Variants in CELF1 observed in about 807,000 individuals in gnomAD.
CELF1 encodes 50 kDa nuclear polyadenylated RNA-binding protein.
A neutral mutation model predicts 61.8 loss-of-function variants in CELF1; 10 were observed. The observed-to-expected ratio is 0.16, with a 90% CI of 0.10 to 0.27. The LOEUF (loss-of-function observed/expected upper bound fraction) is 0.27. CELF1 is among the 10% of genes least tolerant of loss of function. The probability of loss-of-function intolerance (pLI) is 1.00; values close to 1 mark genes in which losing one functional copy is unlikely to be tolerated. For missense variants in CELF1, 380 were observed against 639.1 expected (o/e 0.59, Z 4.37); for synonymous variants, 236 against 225.1 (o/e 1.05, Z -0.43).
intron 3 of CELF1, among the ~76,000 whole-genome samples, chr11:47,490,865 CTT>C (rs753432504): frequency 9.2e-5 from 13 of 141,252 alleles, no homozygotes; most frequent in African/African-American, 7.7e-5. Flanking sequence ...TATTTTCTTT[CTT>C]TTTTTTTTTT....
intron 1 of CELF1, among the ~76,000 whole-genome samples, chr11:47,522,352 C>T (rs1395513674): frequency 6.7e-6 from 1 of 148,308 alleles, no homozygotes; most frequent in Admixed American, 6.8e-5. Context: ...ATGGTGAAAC[C>T]CCATCTCTAC....
intron 1 of CELF1, among the ~76,000 whole-genome samples, chr11:47,550,335 G>C (rs1465545119): frequency 1.3e-5 from 2 of 151,938 alleles, no homozygotes; most frequent in East Asian, 3.9e-4. Flanking sequence ...GTTCTAGATC[G>C]GCCTGGCCAA....
In CELF1 at chr11:47,504,881, G is replaced by A. The variant is rs1414621775; in HGVS notation, c.-153-3949C>T. On this transcript the variant is annotated intron_variant, in intron 1 of 14. Transcript: ENST00000687097. ...CATGCCATTGCACTCCAGCCTGGGC[G>A]ATAGAGTGAGACTCTGTCACCAAAA... 4.4e-5 allele frequency among the ~76,000 whole-genome samples: 6 copies of A among 135,338 alleles called. No homozygotes were observed. In the East Asian group the frequency reaches 6.3e-4, roughly 14 times the overall value. 88.8% of individuals were successfully genotyped at this position (135,338 alleles called of 152,430 possible).
chr11:47,490,393 C>A (rs1398834877), intron 3 of CELF1, among the ~76,000 whole-genome samples: 1 of 151,174 alleles, frequency 6.6e-6, no homozygotes. Flanking sequence ...AAAATTGCCA[C>A]GTTCTAATAT....
At chr11:47,533,212 C>A (rs529633199) in intron 1 of CELF1, among the ~76,000 whole-genome samples, 8 of 152,088 alleles carry the variant, frequency 5.3e-5, no homozygotes, top group African/African-American at 1.9e-4. Flanking sequence ...TTAGACCAAG[C>A]GCAGTGACTC....
intron 3 of CELF1, among the ~76,000 whole-genome samples, chr11:47,492,856 T>C (rs2092114153): frequency 6.6e-6 from 1 of 152,204 alleles, no homozygotes; most frequent in South Asian, 2.1e-4. Flanking sequence ...TCTATTTCTA[T>C]TCTAGAGTGG....
chr11:47,503,858 T>C (rs1402935176), intron 1 of CELF1, among the ~76,000 whole-genome samples: 1 of 152,232 alleles, frequency 6.6e-6, no homozygotes, highest in African/African-American at 2.4e-5. Flanking sequence ...TTTCTGTTAT[T>C]GTTACAAAAT....
chr11:47,488,794 G>A, intron 4 of CELF1, 43 bp downstream of exon 4: 1 of 1,378,086 alleles, frequency 7.3e-7, no homozygotes, highest in Non-Finnish European at 9.5e-7. Flanking sequence ...TGCTCTGAGA[G>A]TCAGTGGAAA....
intron 4 of CELF1, among the ~76,000 whole-genome samples, chr11:47,487,576 A>G (rs2088258025): frequency 6.6e-6 from 1 of 152,226 alleles, no homozygotes; most frequent in South Asian, 2.1e-4. Flanking sequence ...CAGGTGGTAT[A>G]TGAGACAAGA....
intron 10 of CELF1, among the ~76,000 whole-genome samples, chr11:47,478,375 CCATTT>C (rs1375511178): frequency 6.6e-6 from 1 of 152,184 alleles, no homozygotes; most frequent in Non-Finnish European, 1.5e-5. Flanking sequence ...TTGTGGCACT[CCATTT>C]AAGTTTTCTG....
chr11:47,468,574 A>G lies in CELF1; in HGVS notation c.*3656T>C, dbSNP rs1361019112. On this transcript the variant is annotated 3_prime_UTR_variant, in exon 15 of 15. Transcript: ENST00000687097. ...AATTACAAAGAATTGGAATCACAAA[A>G]TCAAGTGGTTATCTTATGAAGTTCT... The G allele has an allele frequency of 6.6e-6, 1 of 152,638 alleles. No individual in the cohort carries two copies. Among genetic ancestry groups the G allele is most frequent in the Non-Finnish European group, 1.5e-5 (1 of 68,044 alleles). 9.5% of individuals were successfully genotyped at this position (152,638 alleles called of 1,614,324 possible).
At chr11:47,511,494 G>C (rs968969263) in intron 1 of CELF1, among the ~76,000 whole-genome samples, 1 of 152,146 alleles carries the variant, frequency 6.6e-6, no homozygotes, top group Non-Finnish European at 1.5e-5. Flanking sequence ...CATACCATCA[G>C]TGCTAATAAA....
chr11:47,495,581 G>A (rs1422844445), intron 3 of CELF1, among the ~76,000 whole-genome samples: 2 of 152,140 alleles, frequency 1.3e-5, no homozygotes, highest in East Asian at 3.8e-4. Flanking sequence ...TGAAGGGGAG[G>A]GAGAAGGGAT....
intron 6 of CELF1, among the ~76,000 whole-genome samples, 154 bp from the exon 7 acceptor site, chr11:47,484,677 CTCTT>C (rs2085528783): frequency 6.6e-6 from 1 of 152,158 alleles, no homozygotes; most frequent in Non-Finnish European, 1.5e-5. Context: ...TTTTTCACAT[CTCTT>C]TTTTTCTTGT....
intron 1 of CELF1, among the ~76,000 whole-genome samples, chr11:47,538,524 T>C (rs955786932): frequency 6.6e-6 from 1 of 150,630 alleles, no homozygotes; most frequent in Non-Finnish European, 1.5e-5. Flanking sequence ...GCACCTGTAC[T>C]CCCAGCTACT....
intron 1 of CELF1, among the ~76,000 whole-genome samples, chr11:47,537,125 T>C (rs2096648401): frequency 1.3e-5 from 2 of 152,204 alleles, no homozygotes; most frequent in South Asian, 4.1e-4. Context: ...CCTTTTCTTA[T>C]TCTTTGGAGC....
At chr11:47,534,343 T>C (rs914489572) in intron 1 of CELF1, among the ~76,000 whole-genome samples, 1 of 151,828 alleles carries the variant, frequency 6.6e-6, no homozygotes, top group Non-Finnish European at 1.5e-5. Flanking sequence ...TTTAGTATTT[T>C]TTCTATCAAG....
chr11:47,549,471 C>T (rs1389255066), intron 1 of CELF1, among the ~76,000 whole-genome samples: 2 of 152,020 alleles, frequency 1.3e-5, no homozygotes, highest in Admixed American at 1.3e-4. Flanking sequence ...TATATATATA[C>T]ACAATGGAGT....
At chr11:47,562,697 T>G (rs1026267568) in intron 2 of CELF1, among the ~76,000 whole-genome samples, 7 of 151,548 alleles carry the variant, frequency 4.6e-5, no homozygotes, top group African/African-American at 7.3e-5. Context: ...GATCAGTTTT[T>G]TTTTGTTTTG....
Sources: gnomAD v4.1 joint callset for allele counts (sites outside exome capture counted in the v4.1 genomes callset) on GRCh38, gnomAD v4.1.1 for gene constraint, MANE v1.5 for transcripts, NCBI Gene and HGNC (gene_info 2026-07-23, HGNC 2026-07-21) for gene names.